The following GFRA1 variants were observed in gnomAD, a reference collection of about 807,000 sequenced individuals.
The protein encoded by GFRA1 is GDNF family receptor alpha 1.
Under a neutral mutation model 51.6 loss-of-function variants are expected in GFRA1, and 16 were observed. That is an observed-to-expected ratio of 0.31 (90% CI 0.21 to 0.47). The LOEUF is 0.47. Ranked by LOEUF, GFRA1 falls within the 20% of genes least tolerant of loss-of-function variation. The pLI is 1.00. For synonymous variants in GFRA1, 270 were observed against 241.3 expected (o/e 1.12, Z -1.10); for missense variants, 530 against 594.3 (o/e 0.89, Z 1.13).
At chr10:116,110,489 T>C (rs1267177572) in intron 6 of GFRA1, among the ~76,000 whole-genome samples, 3 of 152,112 alleles carry the variant, frequency 2.0e-5, no homozygotes, top group Non-Finnish European at 2.9e-5. Flanking sequence ...GCACAGGCAG[T>C]ATTTGGTGGC....
At chr10:116,249,175 G>T (rs529810923) in intron 4 of GFRA1, among the ~76,000 whole-genome samples, 17 of 152,160 alleles carry the variant, frequency 1.1e-4, no homozygotes, top group Non-Finnish European at 1.6e-4. Context: ...GATTTTCTAT[G>T]TATTTGTGTC....
At position 116,272,934 on chromosome 10, in the gene GFRA1, C is replaced by T. The variant is rs1336721094; in HGVS notation, c.-247+229G>A. The T allele has an allele frequency of 6.6e-6, 1 of 152,282 alleles. No individual in the cohort carries two copies. Among genetic ancestry groups the T allele is most frequent in the East Asian group, 2.0e-4 (1 of 5,122 alleles). The allele number at this position is 152,282 out of a possible 1,614,324, so 9.4% of individuals were successfully genotyped here. On this transcript the variant is annotated intron_variant, in intron 1 of 10. Transcript: ENST00000355422. The surrounding 1 kb of genome is among the most constrained non-coding windows in gnomAD (Gnocchi z 4.4). ...TCACACTCTCGCCCGGTGCCCAGGA[C>T]TCGGGCGCTTCCGCACCCCAGCCCA... is the stretch of plus-strand genomic sequence containing the variant.
intron 5 of GFRA1, among the ~76,000 whole-genome samples, chr10:116,140,491 G>C (rs1313318953): frequency 1.3e-5 from 2 of 152,172 alleles, no homozygotes; most frequent in African/African-American, 4.8e-5. Flanking sequence ...AGTGGTTGAA[G>C]TGTATGCGGT....
chr10:116,249,809 G>A (rs1968171741), intron 4 of GFRA1, among the ~76,000 whole-genome samples: 1 of 152,056 alleles, frequency 6.6e-6, no homozygotes, highest in Non-Finnish European at 1.5e-5. Context: ...AGCCAGATGG[G>A]GTCCTTGCTT....
At chr10:116,134,242 A>C (rs1958225872) in intron 5 of GFRA1, among the ~76,000 whole-genome samples, 1 of 152,224 alleles carries the variant, frequency 6.6e-6, no homozygotes, top group Non-Finnish European at 1.5e-5. Flanking sequence ...AAGGCTGCAG[A>C]ATTGAATTCA....
Position 116,072,687 on chromosome 10 carries a change from G to A in GFRA1, c.1198-7061C>T, listed in dbSNP as rs542459079. Among the ~76,000 whole-genome samples the A allele has an allele frequency of 3.3e-5, 5 of 152,258 alleles. No individual in the cohort carries two copies. In the South Asian group the frequency reaches 6.2e-4, roughly 19 times the overall value. ...GAGGCAGGAGAATTGCTTGAACCCG[G>A]GAGGGGGAGGTTGCAGTGAGTTGAG... On this transcript the variant is annotated intron_variant, in intron 9 of 10. Coordinates refer to ENST00000355422, the MANE Select transcript of GFRA1 (RefSeq NM_005264.8).
chr10:116,084,504 C>A (rs890592483), intron 9 of GFRA1, among the ~76,000 whole-genome samples: 1 of 152,132 alleles, frequency 6.6e-6, no homozygotes, highest in Non-Finnish European at 1.5e-5. Flanking sequence ...TGGGGCTGAG[C>A]GTGTGCCCCA....
At chr10:116,183,310 G>A (rs887938689) in intron 5 of GFRA1, among the ~76,000 whole-genome samples, 23 of 152,278 alleles carry the variant, frequency 1.5e-4, no homozygotes, top group Admixed American at 1.2e-3. Context: ...GGAGCTTACC[G>A]CAATGGGTCC....
intron 5 of GFRA1, among the ~76,000 whole-genome samples, chr10:116,204,919 G>A (rs999453097): frequency 6.6e-6 from 1 of 152,088 alleles, no homozygotes; most frequent in Non-Finnish European, 1.5e-5. Flanking sequence ...GTATAGTATG[G>A]AAAGGAGGAG....
At position 116,064,397 on chromosome 10, in the gene GFRA1, G is replaced by T. The variant is rs146523143; in HGVS notation, c.*1C>A. On this transcript the variant is annotated 3_prime_UTR_variant, in exon 11 of 11. Coordinates refer to ENST00000355422, the MANE Select transcript of GFRA1 (RefSeq NM_005264.8). ...GTCCATATTGTATTTTTTTAATGCAGCTATGATGTTTCTGTTAAAGATAAT... is the reference window on the plus strand; with the variant it reads ...GTCCATATTGTATTTTTTTAATGCATCTATGATGTTTCTGTTAAAGATAAT... The T allele has an allele frequency of 5.6e-6, 9 of 1,610,726 alleles. No homozygotes were observed. Among genetic ancestry groups the T allele is most frequent in the Non-Finnish European group, 7.6e-6 (9 of 1,178,934 alleles).
rs531244202 is a variant in GFRA1 at position 116,093,854 on chromosome 10, A to G, written c.881-18T>C. ...GACTGTGCCTAAAAGAATAAAAACA[A>G]GGCATTTTATTGTTGTATGATGATA... On this transcript the variant is annotated intron_variant, in intron 7 of 10. Transcript: ENST00000355422. 1 of 1,613,142 alleles carries G rather than the reference A, an allele frequency of 6.2e-7. No homozygotes were observed. Among genetic ancestry groups the G allele is most frequent in the African/African-American group, 1.3e-5 (1 of 75,048 alleles).
intron 4 of GFRA1, among the ~76,000 whole-genome samples, chr10:116,215,378 C>T (rs1965490494): frequency 6.6e-6 from 1 of 152,166 alleles, no homozygotes; most frequent in African/African-American, 2.4e-5. Flanking sequence ...CTGTCCGCCA[C>T]CTCCATCTCC....
At chr10:116,191,394 G>A (rs771987441) in intron 5 of GFRA1, among the ~76,000 whole-genome samples, 5 of 152,146 alleles carry the variant, frequency 3.3e-5, no homozygotes, top group Non-Finnish European at 5.9e-5. Flanking sequence ...AAAGAAACTA[G>A]ATTCTGAGTT....
intron 5 of GFRA1, among the ~76,000 whole-genome samples, chr10:116,166,087 T>G (rs1960370314): frequency 6.6e-6 from 1 of 152,236 alleles, no homozygotes; most frequent in South Asian, 2.1e-4. Flanking sequence ...CTAAGGATAA[T>G]GGCCTCCAGC....
chr10:116,095,923 G>A (rs1956550578), intron 7 of GFRA1, among the ~76,000 whole-genome samples: 1 of 151,994 alleles, frequency 6.6e-6, no homozygotes, highest in Non-Finnish European at 1.5e-5. Context: ...CAAGGCTTCT[G>A]CTGTCCCTGG....
At chr10:116,122,115 AAGGC>A (rs1957670298) in intron 6 of GFRA1, among the ~76,000 whole-genome samples, 1 of 152,156 alleles carries the variant, frequency 6.6e-6, no homozygotes, top group Non-Finnish European at 1.5e-5. Flanking sequence ...CTTCCCAGGA[AAGGC>A]TCAAGACAGT....
intron 9 of GFRA1, among the ~76,000 whole-genome samples, chr10:116,078,774 G>C (rs868603933): frequency 2.6e-5 from 4 of 152,124 alleles, no homozygotes; most frequent in Admixed American, 6.5e-5. Context: ...ACGTCACAAA[G>C]ACCATAAACC....
chr10:116,266,565 C>A (rs1969673113), intron 4 of GFRA1, among the ~76,000 whole-genome samples: 1 of 152,208 alleles, frequency 6.6e-6, no homozygotes, highest in South Asian at 2.1e-4. Flanking sequence ...AAAGCCAATG[C>A]CCTTGAGATA....
intron 9 of GFRA1, among the ~76,000 whole-genome samples, chr10:116,088,435 A>G (rs1956186506): frequency 1.3e-5 from 2 of 152,140 alleles, no homozygotes; most frequent in African/African-American, 4.8e-5. Flanking sequence ...CCCTCAAAAT[A>G]CAGGAAAAAT....
Sources: allele counts gnomAD v4.1 joint callset (sites outside exome capture counted in the v4.1 genomes callset), GRCh38; gene constraint gnomAD v4.1.1; non-coding constraint Gnocchi (gnomAD v3.1); transcripts MANE v1.5; gene names NCBI Gene and HGNC (gene_info 2026-07-23, HGNC 2026-07-21).